AXL: variants seen among roughly 807,000 people sequenced by gnomAD.
AXL encodes the protein tyrosine-protein kinase receptor UFO.
In AXL, 52 loss-of-function variants were observed where a neutral mutation model predicts 104.5. That is an observed-to-expected ratio of 0.50 (90% CI 0.40 to 0.63). The LOEUF (loss-of-function observed/expected upper bound fraction) is 0.63, where lower values mean the gene tolerates loss of function less well. Ranked by LOEUF, AXL falls within the 20% of genes least tolerant of loss-of-function variation. The pLI, the probability that AXL is intolerant of heterozygous loss-of-function variation, is 0.00. For synonymous variants in AXL, 455 were observed against 473.7 expected, an observed-to-expected ratio of 0.96 and a Z score of 0.51; for missense variants, 1,024 against 1,188.5, an observed-to-expected ratio of 0.86 and a Z score of 2.04.
chr19:41,253,792 C>G (rs1713253332), intron 17 of AXL, 84 bp downstream of exon 17: 2 of 1,115,542 alleles, frequency 1.8e-6, no homozygotes, highest in Non-Finnish European at 2.7e-6. Context: ...AGGATGGAAG[C>G]AGGGCTAGAC....
intron 6 of AXL, among the ~76,000 whole-genome samples, chr19:41,237,684 A>G (rs1409589982): frequency 6.6e-6 from 1 of 152,210 alleles, no homozygotes. Context: ...CGTGTGCCCA[A>G]GGAAAAAACT....
At chr19:41,219,931 C>A (rs530303346) in intron 1 of AXL, among the ~76,000 whole-genome samples, 1 of 152,002 alleles carries the variant, frequency 6.6e-6, no homozygotes, top group African/African-American at 2.4e-5. Flanking sequence ...CTTGTCCCTA[C>A]CCCACCAGTC....
intron 4 of AXL, among the ~76,000 whole-genome samples, chr19:41,227,279 CTGTATA>C (rs1292993873): frequency 6.6e-6 from 1 of 152,088 alleles, no homozygotes; most frequent in Admixed American, 6.6e-5. Context: ...ATACTAAACC[CTGTATA>C]TACTACACAT....
In AXL at chr19:41,261,024, G is replaced by A. The variant is rs1229447830; in HGVS notation, c.*1120G>A. The A allele has an allele frequency of 2.0e-5, 3 of 152,084 alleles. No homozygotes were observed. The East Asian group carries it at 5.8e-4, about 29-fold the overall frequency. The allele number at this position is 152,084 out of a possible 1,614,324, so 9.4% of individuals were successfully genotyped here. ...TATAAGATCCTAGATCCTAAGGGTC[G>A]AAAGCTCTAGAATCTGCAATTCAAA... On this transcript the variant is annotated 3_prime_UTR_variant, in exon 20 of 20. Coordinates refer to ENST00000301178, the MANE Select transcript of AXL (RefSeq NM_021913.5).
At chr19:41,238,222 C>T in intron 7 of AXL, 68 bp downstream of exon 7, 2 of 1,553,004 alleles carry the variant, frequency 1.3e-6, no homozygotes. Flanking sequence ...AGTGCCACCC[C>T]CATTGTCCCC....
chr19:41,257,754 C>A, intron 19 of AXL, 125 bp downstream of exon 19: 2 of 1,268,838 alleles, frequency 1.6e-6, no homozygotes, highest in Non-Finnish European at 2.2e-6. Flanking sequence ...CTGAGTGACC[C>A]ACTTGCCCCT....
rs199959892 is a variant in AXL, at chr19:41,243,031, A to G, written c.1445+16A>G. 3 of 1,613,384 alleles carry G rather than the reference A, an allele frequency of 1.9e-6. No homozygotes were observed. Among genetic ancestry groups the G allele is most frequent in the East Asian group, 2.2e-5 (1 of 44,826 alleles). ...CCCGTTATGGGTGAGTTGGAACCAC[A>G]TGGGGAGGCTGTGTGGCCTGGGATG... On this transcript the variant is annotated intron_variant, in intron 11 of 19. Coordinates refer to ENST00000301178, the MANE Select transcript of AXL (RefSeq NM_021913.5).
rs748483873 is a variant in AXL, at chr19:41,252,976, C to A, written c.1926+9C>A. ...TCGGGGACCAGCCAGTGGTAAGGGGCGTTTAATCATTCAGTCTACAAATAT... is the reference window on the plus strand; with the variant it reads ...TCGGGGACCAGCCAGTGGTAAGGGGAGTTTAATCATTCAGTCTACAAATAT... On this transcript the variant is annotated intron_variant, in intron 16 of 19. Transcript: ENST00000301178. The A allele has an allele frequency of 6.2e-7, 1 of 1,613,598 alleles. No homozygotes were observed. The highest frequency in any genetic ancestry group is 1.7e-5 in the Admixed American group (1 of 59,992).
At chr19:41,249,865 C>T (rs563472600) in intron 14 of AXL, among the ~76,000 whole-genome samples, 2 of 152,244 alleles carry the variant, frequency 1.3e-5, no homozygotes, top group South Asian at 4.1e-4. Flanking sequence ...CTCCCTTTCT[C>T]CCCGCTACCT....
intron 4 of AXL, among the ~76,000 whole-genome samples, chr19:41,222,731 C>T (rs2033813920): frequency 6.6e-6 from 1 of 150,640 alleles, no homozygotes; most frequent in South Asian, 2.1e-4. Context: ...ACGGTGAAAC[C>T]CCATCTCTAC....
intron 11 of AXL, 139 bp from the exon 12 acceptor site, chr19:41,243,477 T>A: frequency 1.4e-6 from 1 of 737,532 alleles, no homozygotes. Context: ...AGAAGGTAGC[T>A]GCCCAAGGCA....
chr19:41,245,862 C>T (rs916838524), intron 12 of AXL, among the ~76,000 whole-genome samples: 1 of 151,992 alleles, frequency 6.6e-6, no homozygotes, highest in Non-Finnish European at 1.5e-5. Context: ...CTGGGAAAGA[C>T]ATTTATTTAA....
intron 10 of AXL, among the ~76,000 whole-genome samples, chr19:41,240,129 G>A (rs978473737): frequency 6.6e-6 from 1 of 151,630 alleles, no homozygotes; most frequent in Non-Finnish European, 1.5e-5. Flanking sequence ...TGGGTGTGTG[G>A]GCCAATGGAT....
At chr19:41,252,228 A>T in intron 14 of AXL, 123 bp from the exon 15 acceptor site, 1 of 779,664 alleles carries the variant, frequency 1.3e-6, no homozygotes, top group Non-Finnish European at 2.2e-6. Flanking sequence ...GGTGCCTGGT[A>T]CTTACTAATC....
At chr19:41,240,383 G>GATGGATGGATGGATGGATGGATGA in intron 10 of AXL, among the ~76,000 whole-genome samples, 1 of 152,044 alleles carries the variant, frequency 6.6e-6, no homozygotes, top group East Asian at 1.9e-4. Flanking sequence ...TGGGTGGATG[G>GATGGATGGATGGATGGATGGATGA]ATGGATGGAT....
intron 17 of AXL, 39 bp downstream of exon 17, chr19:41,253,747 C>A: frequency 6.7e-7 from 1 of 1,492,398 alleles, no homozygotes; most frequent in Non-Finnish European, 9.3e-7. Flanking sequence ...CCAACTGCTC[C>A]TGCACTCCCT....
intron 1 of AXL, 170 bp from the exon 2 acceptor site, chr19:41,220,466 T>G: frequency 1.6e-6 from 1 of 611,154 alleles, no homozygotes; most frequent in Non-Finnish European, 2.9e-6. Flanking sequence ...GCTCCCGTCC[T>G]CCTCTCAGAG....
In AXL at chr19:41,243,752, C is replaced by T. The variant is rs755515204; in HGVS notation, c.1537+45C>T. The stretch of plus-strand genomic sequence containing the variant: ...CACTGCCCTGGCCTGGATCTAAAGG[C>T]TGTAGAGAATCTGGCCTGCTGGGCT... On this transcript the variant is annotated intron_variant, in intron 12 of 19. Coordinates refer to ENST00000301178, the MANE Select transcript of AXL (RefSeq NM_021913.5). 1.9e-6 allele frequency: 3 copies of T among 1,551,094 alleles called. No individual in the cohort carries two copies. The South Asian group carries it at 3.3e-5, about 17-fold the overall frequency.
chr19:41,250,180 T>C (rs17251589), intron 14 of AXL, among the ~76,000 whole-genome samples: 13,235 of 152,234 alleles, frequency 0.087, 692 homozygotes, highest in Non-Finnish European at 0.11. Flanking sequence ...GACATGCTTG[T>C]TAATGTGGAG....
Sources: allele counts gnomAD v4.1 joint callset (sites outside exome capture counted in the v4.1 genomes callset), GRCh38; gene constraint gnomAD v4.1.1; transcripts MANE v1.5; gene names NCBI Gene and HGNC (gene_info 2026-07-23, HGNC 2026-07-21).